The following SETBP1 variants were observed in gnomAD, a reference collection of about 807,000 sequenced individuals.
SETBP1 encodes the protein SET binding protein 1.
In SETBP1, 9 loss-of-function variants were observed where a neutral mutation model predicts 101.0. The ratio of observed to expected loss-of-function variants is 0.09; its 90% CI spans 0.05 to 0.16. The LOEUF is 0.16. Among genes scored for constraint, SETBP1 ranks in the 10% least tolerant of loss-of-function variants. SETBP1 has a pLI of 1.00. For missense variants in SETBP1, 1,858 were observed against 2,033.8 expected, an observed-to-expected ratio of 0.91 and a Z score of 1.66; for synonymous variants, 818 against 788.5, an observed-to-expected ratio of 1.04 and a Z score of -0.63.
chr18:45,041,936 G>A (rs2073515787), intron 5 of SETBP1, among the ~76,000 whole-genome samples: 1 of 151,412 alleles, frequency 6.6e-6, no homozygotes, highest in Admixed American at 6.6e-5. Flanking sequence ...CAGCCTGGGT[G>A]ACAAAGCGAA....
chr18:45,020,387 C>G (rs1026671777), intron 4 of SETBP1, among the ~76,000 whole-genome samples: 5 of 150,012 alleles, frequency 3.3e-5, no homozygotes, highest in Admixed American at 2.7e-4. Context: ...AACACCCAGA[C>G]AAGCCTGGAC....
chr18:44,756,756 C>T (rs980697321), intron 2 of SETBP1, among the ~76,000 whole-genome samples: 13 of 152,190 alleles, frequency 8.5e-5, no homozygotes, highest in Non-Finnish European at 1.5e-4. Context: ...ATATAAACCT[C>T]TGTCCTTAAA....
chr18:45,043,381 T>TCACA (rs765515143), intron 5 of SETBP1, among the ~76,000 whole-genome samples: 4 of 146,176 alleles, frequency 2.7e-5, no homozygotes, highest in Admixed American at 6.9e-5. Context: ...ACTCACACAC[T>TCACA]CACACACACA....
chr18:44,941,837 G>T (rs967755199), intron 3 of SETBP1, among the ~76,000 whole-genome samples: 1 of 151,728 alleles, frequency 6.6e-6, no homozygotes, highest in Non-Finnish European at 1.5e-5. Context: ...TAGTCGTTGC[G>T]ATCCTGAGAC....
At chr18:44,856,396 C>T (rs921983277) in intron 2 of SETBP1, among the ~76,000 whole-genome samples, 43 of 152,162 alleles carry the variant, frequency 2.8e-4, no homozygotes, top group Non-Finnish European at 8.8e-5. Context: ...AGTCACTGCC[C>T]GATTTTTTGC....
chr18:45,020,778 G>GT (rs1969113679), intron 4 of SETBP1, among the ~76,000 whole-genome samples: 1 of 152,276 alleles, frequency 6.6e-6, no homozygotes, highest in African/African-American at 2.4e-5. Flanking sequence ...AGTCACCTCT[G>GT]TATGGAGATG....
chr18:44,747,050 C>T (rs1407254475), intron 2 of SETBP1, among the ~76,000 whole-genome samples: 1 of 152,226 alleles, frequency 6.6e-6, no homozygotes, highest in Non-Finnish European at 1.5e-5. Flanking sequence ...CAGCCCCAGC[C>T]TTGGCTGCTG....
At chr18:44,880,027 T>C (rs1219362775) in intron 3 of SETBP1, among the ~76,000 whole-genome samples, 1 of 152,224 alleles carries the variant, frequency 6.6e-6, no homozygotes. Context: ...GGAGGTCCAC[T>C]TTGGCTCCTA....
intron 2 of SETBP1, among the ~76,000 whole-genome samples, chr18:44,784,957 A>C (rs1335035827): frequency 6.6e-6 from 1 of 152,168 alleles, no homozygotes; most frequent in Non-Finnish European, 1.5e-5. Context: ...AACTGAATGC[A>C]TTTCTTAAGG....
At chr18:44,869,406 A>T (rs2069217258) in intron 3 of SETBP1, 123 bp downstream of exon 3, 2 of 884,852 alleles carry the variant, frequency 2.3e-6, no homozygotes, top group Admixed American at 3.6e-5. Context: ...TTCTTTCCCT[A>T]GCTAACTGAC....
At chr18:44,946,216 G>T (rs1441588295) in intron 3 of SETBP1, among the ~76,000 whole-genome samples, 1 of 152,064 alleles carries the variant, frequency 6.6e-6, no homozygotes, top group Non-Finnish European at 1.5e-5. Flanking sequence ...CTTCCCTTTT[G>T]TCCACCCTGC....
intron 2 of SETBP1, among the ~76,000 whole-genome samples, chr18:44,860,099 G>A (rs761492585): frequency 6.6e-6 from 1 of 152,174 alleles, no homozygotes; most frequent in Non-Finnish European, 1.5e-5. Context: ...GAATTAGAAA[G>A]CTTTGATACT....
chr18:44,802,169 A>G (rs1314042361), intron 2 of SETBP1, among the ~76,000 whole-genome samples: 2 of 152,104 alleles, frequency 1.3e-5, no homozygotes, highest in Admixed American at 6.5e-5. Context: ...TTTTGCATCA[A>G]TGTCACTGGC....
intron 3 of SETBP1, among the ~76,000 whole-genome samples, chr18:44,899,185 A>T (rs1261215280): frequency 2.0e-5 from 3 of 152,048 alleles, no homozygotes; most frequent in Middle Eastern, 3.2e-3. Flanking sequence ...AATATCCACT[A>T]CTCCACCAAT....
chr18:44,928,506 C>T (rs1233690391), intron 3 of SETBP1, among the ~76,000 whole-genome samples: 3 of 152,252 alleles, frequency 2.0e-5, no homozygotes, highest in Non-Finnish European at 4.4e-5. Flanking sequence ...AATTGCCACA[C>T]TGTCTTCCAC....
intron 4 of SETBP1, among the ~76,000 whole-genome samples, chr18:44,999,284 A>C (rs1050460930): frequency 6.6e-6 from 1 of 151,984 alleles, no homozygotes; most frequent in African/African-American, 2.4e-5. Flanking sequence ...ATAGTGGCTG[A>C]CCCAGGATGC....
chr18:44,933,717 G>T (rs1380500690), intron 3 of SETBP1, among the ~76,000 whole-genome samples: 2 of 152,196 alleles, frequency 1.3e-5, no homozygotes, highest in Admixed American at 6.5e-5. Context: ...CTAGCAGTGA[G>T]TGAGGCTCCG....
intron 4 of SETBP1, among the ~76,000 whole-genome samples, chr18:45,018,301 T>C (rs1372700333): frequency 2.0e-5 from 3 of 152,216 alleles, no homozygotes; most frequent in Non-Finnish European, 4.4e-5. Context: ...AAAACATTCC[T>C]TATGCAGACT....
chr18:44,814,837 C>A (rs1279306160), intron 2 of SETBP1, among the ~76,000 whole-genome samples: 1 of 152,180 alleles, frequency 6.6e-6, no homozygotes, highest in Non-Finnish European at 1.5e-5. Flanking sequence ...TGGTGATGAG[C>A]ATTTTCTGGT....
Sources: allele counts gnomAD v4.1 joint callset (sites outside exome capture counted in the v4.1 genomes callset), GRCh38; gene constraint gnomAD v4.1.1; transcripts MANE v1.5; gene names NCBI Gene and HGNC (gene_info 2026-07-23, HGNC 2026-07-21).